The following ATXN1 variants were observed in gnomAD, a reference collection of about 807,000 sequenced individuals.
The protein encoded by ATXN1 is ataxin-1.
Under a neutral mutation model 56.4 loss-of-function variants are expected in ATXN1, and 8 were observed. The observed-to-expected ratio is 0.14, with a 90% CI of 0.08 to 0.26. ATXN1 has a LOEUF of 0.26. Ranked by LOEUF, ATXN1 falls within the 10% of genes least tolerant of loss-of-function variation. The probability of loss-of-function intolerance (pLI) is 1.00; values close to 1 mark genes in which losing one functional copy is unlikely to be tolerated. For synonymous variants in ATXN1, 514 were observed against 494.6 expected, an observed-to-expected ratio of 1.04 and a Z score of -0.52; for missense variants, 987 against 1,106.5, an observed-to-expected ratio of 0.89 and a Z score of 1.53.
At chr6:16,731,430 C>A in intron 2 of ATXN1, among the ~76,000 whole-genome samples, 1 of 136,738 alleles carries the variant, frequency 7.3e-6, no homozygotes, top group Admixed American at 8.0e-5. Context: ...AGACAGATAA[C>A]GAGAGAGGCT....
rs548298144 is a variant in ATXN1 at position 16,543,284 on chromosome 6, A to G, written c.-360-20596T>C. Among the ~76,000 whole-genome samples the G allele has an allele frequency of 2.0e-5, 3 of 152,296 alleles. No homozygotes were observed. The East Asian group carries it at 5.8e-4, about 29-fold the overall frequency. ...CCTAGCACCACCACTTTCCTTATAA[A>G]AAGTAATTTATGGTTCCCTTTCCCA... On this transcript the variant is annotated intron_variant, in intron 4 of 7. Coordinates refer to ENST00000436367, the MANE Select transcript of ATXN1 (RefSeq NM_001128164.2).
In ATXN1 at chr6:16,306,315, C is replaced by A; in HGVS notation, c.*14G>T. ...GATAAGGGAGAGCCACGTTTCCTTT[C>A]CCCCACGCTGCCTCTACTTGCCTAC... On this transcript the variant is annotated 3_prime_UTR_variant, in exon 8 of 8. Transcript: ENST00000436367. The surrounding 1 kb of genome is among the most constrained non-coding windows in gnomAD (Gnocchi z 5.2). 2 of 1,584,396 alleles carry A rather than the reference C, an allele frequency of 1.3e-6. No individual in the cohort carries two copies. Among genetic ancestry groups the A allele is most frequent in the Non-Finnish European group, 1.7e-6 (2 of 1,167,138 alleles).
At chr6:16,525,398 T>C (rs1410779748) in intron 4 of ATXN1, among the ~76,000 whole-genome samples, 2 of 152,188 alleles carry the variant, frequency 1.3e-5, no homozygotes, top group Non-Finnish European at 2.9e-5. Context: ...GAGATCATTA[T>C]GTTAAGTGAA....
chr6:16,306,886 A>G lies in ATXN1; in HGVS notation c.1918-27T>C. 6.4e-7 allele frequency: 1 copy of G among 1,564,406 alleles called. No homozygotes were observed. Among genetic ancestry groups the G allele is most frequent in the Non-Finnish European group, 8.6e-7 (1 of 1,161,438 alleles). On this transcript the variant is annotated intron_variant, in intron 7 of 7. Coordinates refer to ENST00000436367, the MANE Select transcript of ATXN1 (RefSeq NM_001128164.2). This position sits in a 1 kb window ranked among gnomAD's most constrained non-coding sequence, Gnocchi z 5.2. ...TGTGGAAACAGGGAGAGACAGAGAG[A>G]GGAAGAAGGAAGGGAACAAATGAAA...
In ATXN1 at chr6:16,605,737, G is replaced by A. The variant is rs754291962; in HGVS notation, c.-488-19830C>T. 3.7e-4 allele frequency among the ~76,000 whole-genome samples: 56 copies of A among 152,270 alleles called. No homozygotes were observed. The Middle Eastern group carries it at 0.01, about 28-fold the overall frequency. On this transcript the variant is annotated intron_variant, in intron 3 of 7. Coordinates refer to ENST00000436367, the MANE Select transcript of ATXN1 (RefSeq NM_001128164.2). ...GAAAAATGCAGGTTATTCAAGCAGT[G>A]ACCCTAGGATGAGCCTCAAAGCTTA...
chr6:16,357,195 C>T (rs147243625), intron 6 of ATXN1, among the ~76,000 whole-genome samples: 1 of 151,822 alleles, frequency 6.6e-6, no homozygotes, highest in African/African-American at 2.4e-5. Context: ...TACTAAGGTC[C>T]TATGGGTTTG....
chr6:16,313,660 G>C (rs901143262), intron 7 of ATXN1, among the ~76,000 whole-genome samples: 2 of 151,550 alleles, frequency 1.3e-5, no homozygotes, highest in African/African-American at 4.9e-5. Flanking sequence ...GGATTCGAGC[G>C]ATTCTCCTGC....
chr6:16,743,387 A>G (rs1421439948), intron 2 of ATXN1, among the ~76,000 whole-genome samples: 1 of 152,228 alleles, frequency 6.6e-6, no homozygotes, highest in Non-Finnish European at 1.5e-5. Flanking sequence ...AAGCCAGTGG[A>G]ACAAACAGGT....
intron 6 of ATXN1, among the ~76,000 whole-genome samples, chr6:16,375,751 C>T (rs1463318478): frequency 2.0e-5 from 3 of 152,110 alleles, no homozygotes; most frequent in Non-Finnish European, 4.4e-5. Flanking sequence ...GTGTGCCCAC[C>T]TAGATTGCTC....
At chr6:16,625,814 G>A (rs1763396851) in intron 3 of ATXN1, among the ~76,000 whole-genome samples, 1 of 151,970 alleles carries the variant, frequency 6.6e-6, no homozygotes, top group South Asian at 2.1e-4. Flanking sequence ...TTCTGGCAAT[G>A]AAAAAACATA....
chr6:16,663,059 G>A (rs1581343361), intron 2 of ATXN1, among the ~76,000 whole-genome samples: 1 of 144,610 alleles, frequency 6.9e-6, no homozygotes, highest in Middle Eastern at 3.9e-3. Context: ...TGCAACCTCT[G>A]CCTCCCGGGT....
intron 3 of ATXN1, among the ~76,000 whole-genome samples, chr6:16,624,551 C>T (rs1055903237): frequency 3.3e-5 from 5 of 152,024 alleles, no homozygotes; most frequent in Non-Finnish European, 5.9e-5. Flanking sequence ...AGTATTAGGT[C>T]GGGTTCAAGC....
chr6:16,732,093 A>G (rs576813784), intron 2 of ATXN1, among the ~76,000 whole-genome samples: 9 of 152,294 alleles, frequency 5.9e-5, no homozygotes, highest in African/African-American at 1.9e-4. Context: ...TAACTGCAAC[A>G]AAGTGTCATA....
intron 6 of ATXN1, among the ~76,000 whole-genome samples, chr6:16,363,883 A>G (rs1207928691): frequency 3.3e-5 from 5 of 152,228 alleles, no homozygotes; most frequent in Non-Finnish European, 7.3e-5. Context: ...TATTGGGGCC[A>G]TGCCACTAGG....
rs144444917 is a variant in ATXN1 at position 16,488,060 on chromosome 6, C to T, written c.-298-1951G>A. Among the ~76,000 whole-genome samples the T allele has an allele frequency of 4.0e-3, 610 of 152,280 alleles. 4 individuals are homozygous for T. Among genetic ancestry groups the T allele is most frequent in the African/African-American group, 0.014 (577 of 41,548 alleles). ...CCATACCTTGAAATAAGAGATGATT[C>T]ATCTTTCTGACTGCTAGGCCATCAG... On this transcript the variant is annotated intron_variant, in intron 5 of 7. Coordinates refer to ENST00000436367, the MANE Select transcript of ATXN1 (RefSeq NM_001128164.2).
intron 3 of ATXN1, among the ~76,000 whole-genome samples, chr6:16,616,357 T>C (rs993292745): frequency 3.3e-5 from 5 of 151,554 alleles, no homozygotes; most frequent in Non-Finnish European, 7.4e-5. Flanking sequence ...CTGGCTAACA[T>C]GGTGAAACCC....
chr6:16,760,672 A>C lies in ATXN1; in HGVS notation c.-730+626T>G, dbSNP rs981148618. Among the ~76,000 whole-genome samples the C allele has an allele frequency of 2.0e-4, 30 of 150,450 alleles. No homozygotes were observed. The highest frequency in any genetic ancestry group is 7.3e-4 in the African/African-American group (30 of 41,166). Reference sequence around the variant, plus strand: ...CCGGCGAGGCCGGCCCTCCGAGGGGAGACCCCCGCCCCAGGGCGCCGAGGC... The same window carrying C: ...CCGGCGAGGCCGGCCCTCCGAGGGGCGACCCCCGCCCCAGGGCGCCGAGGC... On this transcript the variant is annotated intron_variant, in intron 1 of 7. Coordinates refer to ENST00000436367, the MANE Select transcript of ATXN1 (RefSeq NM_001128164.2). This position sits in a 1 kb window ranked among gnomAD's most constrained non-coding sequence, Gnocchi z 5.3.
chr6:16,462,938 CAT>C (rs1046203089), intron 6 of ATXN1, among the ~76,000 whole-genome samples: 4 of 152,154 alleles, frequency 2.6e-5, no homozygotes, highest in Non-Finnish European at 5.9e-5. Flanking sequence ...TAATGGCAAA[CAT>C]ACTCCCTGTA....
At chr6:16,388,090 A>G (rs533943831) in intron 6 of ATXN1, among the ~76,000 whole-genome samples, 26 of 152,324 alleles carry the variant, frequency 1.7e-4, no homozygotes, top group African/African-American at 4.8e-4. Context: ...CATGATGGCC[A>G]ATAACCCAAA....
Sources: gnomAD v4.1 joint callset for allele counts (sites outside exome capture counted in the v4.1 genomes callset) on GRCh38, gnomAD v4.1.1 for gene constraint, Gnocchi (gnomAD v3.1) non-coding constraint, MANE v1.5 for transcripts, NCBI Gene and HGNC (gene_info 2026-07-23, HGNC 2026-07-21) for gene names.